The following SUGCT variants were observed in gnomAD, a reference collection of about 807,000 sequenced individuals.
The protein encoded by SUGCT is succinyl-CoA:glutarate-CoA transferase, also known as succinyl-CoA:glutarate CoA-transferase.
In SUGCT, 41 loss-of-function variants were observed where a neutral mutation model predicts 55.0. That is an observed-to-expected ratio of 0.74 (90% CI 0.58 to 0.97). SUGCT has a LOEUF of 0.97. SUGCT is among the 50% of genes least tolerant of loss of function. SUGCT has a pLI of 0.00. For synonymous variants in SUGCT, 187 were observed against 200.4 expected, an observed-to-expected ratio of 0.93 and a Z score of 0.56; for missense variants, 568 against 547.8, an observed-to-expected ratio of 1.04 and a Z score of -0.37.
chr7:40,197,999 T>C (rs114255393), intron 6 of SUGCT, among the ~76,000 whole-genome samples: 2,547 of 152,260 alleles, frequency 0.017, 69 homozygotes, highest in African/African-American at 0.059. Flanking sequence ...TTTAGTGTGG[T>C]GAAATGGCAT....
chr7:40,227,041 A>T (rs929788795), intron 6 of SUGCT, among the ~76,000 whole-genome samples: 9 of 123,478 alleles, frequency 7.3e-5, no homozygotes, highest in African/African-American at 2.5e-4. Context: ...AGTTTAATAG[A>T]TCTTTTTTTT....
At chr7:40,819,915 T>C (rs377586623) in intron 13 of SUGCT, among the ~76,000 whole-genome samples, 12,925 of 151,330 alleles carry the variant, frequency 0.085, 657 homozygotes, top group Middle Eastern at 0.17. Flanking sequence ...GTCTTTAATC[T>C]ATCTTGAATT....
intron 9 of SUGCT, among the ~76,000 whole-genome samples, chr7:40,434,480 C>G (rs945601346): frequency 5.3e-5 from 8 of 152,006 alleles, no homozygotes; most frequent in African/African-American, 1.7e-4. Context: ...AACTTCATAT[C>G]CAGATTCATG....
chr7:40,959,037 A>C, the SUGCT span, among the ~76,000 whole-genome samples: 1 of 152,104 alleles, frequency 6.6e-6, no homozygotes, highest in African/African-American at 2.4e-5. Context: ...CTTCCTCTGG[A>C]AGCTTCATCC....
intron 8 of SUGCT, among the ~76,000 whole-genome samples, chr7:40,284,815 A>G (rs1466488479): frequency 6.6e-6 from 1 of 152,232 alleles, no homozygotes; most frequent in Non-Finnish European, 1.5e-5. Context: ...GACAAACCAA[A>G]AAAGGAAAAA....
intron 12 of SUGCT, among the ~76,000 whole-genome samples, chr7:40,617,594 A>C (rs542964357): frequency 6.6e-6 from 1 of 151,868 alleles, no homozygotes. Flanking sequence ...AACTTTTATG[A>C]ATGCCATTAT....
At chr7:40,292,046 GTT>G (rs1793816636) in intron 8 of SUGCT, among the ~76,000 whole-genome samples, 1 of 152,192 alleles carries the variant, frequency 6.6e-6, no homozygotes, top group South Asian at 2.1e-4. Context: ...AAGCCACTAA[GTT>G]TAGGGGCAAT....
chr7:40,271,912 C>T (rs953790299), intron 7 of SUGCT, among the ~76,000 whole-genome samples: 1 of 151,720 alleles, frequency 6.6e-6, no homozygotes, highest in African/African-American at 2.4e-5. Flanking sequence ...GCTTCCACAT[C>T]TGAGTCAGAA....
chr7:40,215,111 C>T (rs1443242914), intron 6 of SUGCT, among the ~76,000 whole-genome samples: 2 of 151,980 alleles, frequency 1.3e-5, no homozygotes, highest in Admixed American at 6.6e-5. Flanking sequence ...AAAGATGTCT[C>T]CCTTTTTCTG....
In SUGCT at chr7:40,423,119, T is replaced by TGACA. The variant is rs559216260; in HGVS notation, c.817-26166_817-26163dup. ...GACAGAAACTATCAGTTGGCAGAAC[T>TGACA]GACAGCTTTACCTATGTGGCTTCAA... On this transcript the variant is annotated intron_variant, in intron 9 of 13. Transcript: ENST00000335693. Among the ~76,000 whole-genome samples, 24 of 152,278 alleles carry TGACA rather than the reference T, an allele frequency of 1.6e-4. 1 individual carries two copies. In the East Asian group the frequency reaches 4.6e-3, roughly 29 times the overall value.
At chr7:40,998,781 C>G in the SUGCT span, among the ~76,000 whole-genome samples, 6 of 152,204 alleles carry the variant, frequency 3.9e-5, no homozygotes, top group African/African-American at 1.4e-4. Flanking sequence ...ACTCTGTCTT[C>G]CCAGCCAAAG....
chr7:40,894,078 C>A, the SUGCT span, among the ~76,000 whole-genome samples: 2 of 147,774 alleles, frequency 1.4e-5, no homozygotes, highest in Non-Finnish European at 3.0e-5. Flanking sequence ...AAAAGCTATA[C>A]TACAAGGTTA....
chr7:40,416,187 G>A lies in SUGCT; in HGVS notation c.817-33100G>A, dbSNP rs989592236. Among the ~76,000 whole-genome samples the A allele has an allele frequency of 4.6e-5, 7 of 151,710 alleles. No individual in the cohort carries two copies. The East Asian group carries it at 5.8e-4, about 13-fold the overall frequency. ...AGAGGGTTTTTTTTGTTGAACTATC[G>A]TGAATAGCAATTTTCTGTTTTAATT... On this transcript the variant is annotated intron_variant, in intron 9 of 13. Coordinates refer to ENST00000335693, the MANE Select transcript of SUGCT (RefSeq NM_001193313.2).
At chr7:40,321,100 G>A (rs1795709897) in intron 9 of SUGCT, among the ~76,000 whole-genome samples, 1 of 112,784 alleles carries the variant, frequency 8.9e-6, no homozygotes, top group African/African-American at 3.1e-5. Context: ...TTTTTGAAGT[G>A]GAGTCTCACT....
chr7:40,135,325 TTGTTGTGACCGAGGGCTCCGTGCGC>T (rs908499125), intron 1 of SUGCT, among the ~76,000 whole-genome samples: 1 of 152,202 alleles, frequency 6.6e-6, no homozygotes, highest in Non-Finnish European at 1.5e-5. Flanking sequence ...GTCCCGTGCG[TTGTTGTGACCGAGGGCTCCGTGCGC>T]CGTGGGGTCC....
intron 6 of SUGCT, among the ~76,000 whole-genome samples, chr7:40,223,394 C>T (rs1201932911): frequency 5.3e-5 from 8 of 152,172 alleles, no homozygotes; most frequent in Admixed American, 5.2e-4. Context: ...GTGGAATCAA[C>T]TGTTTATCCA....
intron 6 of SUGCT, among the ~76,000 whole-genome samples, chr7:40,213,646 G>A (rs1338040233): frequency 6.6e-6 from 1 of 152,110 alleles, no homozygotes; most frequent in African/African-American, 2.4e-5. Context: ...GAGGTGTGGA[G>A]TATCTCTATT....
chr7:40,998,043 G>A, the SUGCT span, among the ~76,000 whole-genome samples: 1 of 152,168 alleles, frequency 6.6e-6, no homozygotes, highest in Non-Finnish European at 1.5e-5. Context: ...GTTTTAAGAA[G>A]AATTTTCAAT....
At chr7:40,831,465 T>C (rs1792660393) in intron 13 of SUGCT, among the ~76,000 whole-genome samples, 1 of 152,218 alleles carries the variant, frequency 6.6e-6, no homozygotes. Context: ...TGCCCAACTT[T>C]CAAATGGGTT....
Sources: allele counts gnomAD v4.1 joint callset (sites outside exome capture counted in the v4.1 genomes callset), GRCh38; gene constraint gnomAD v4.1.1; transcripts MANE v1.5; gene names NCBI Gene and HGNC (gene_info 2026-07-23, HGNC 2026-07-21).